The following CAMTA1 variants were observed in gnomAD, a reference collection of about 807,000 sequenced individuals.
CAMTA1 encodes the protein calmodulin-binding transcription activator 1.
CAMTA1 carries 27 observed loss-of-function variants against 170.9 expected under a neutral mutation model. That is an observed-to-expected ratio of 0.16 (90% CI 0.12 to 0.22). The LOEUF is 0.22. Ranked by LOEUF, CAMTA1 falls within the 10% of genes least tolerant of loss-of-function variation. The probability of loss-of-function intolerance (pLI) is 1.00; values close to 1 mark genes in which losing one functional copy is unlikely to be tolerated. For synonymous variants in CAMTA1, 833 were observed against 891.5 expected (o/e 0.93, Z 1.17); for missense variants, 1,619 against 2,217.2 (o/e 0.73, Z 5.42).
At chr1:7,393,894 C>T (rs536774535) in intron 5 of CAMTA1, among the ~76,000 whole-genome samples, 3 of 152,260 alleles carry the variant, frequency 2.0e-5, no homozygotes, top group South Asian at 4.1e-4. Context: ...CTACTCTCTA[C>T]GTCTATGAGA....
At chr1:7,184,015 A>G (rs566613157) in intron 4 of CAMTA1, among the ~76,000 whole-genome samples, 1 of 152,248 alleles carries the variant, frequency 6.6e-6, no homozygotes, top group South Asian at 2.1e-4. Context: ...TAAAGAAAAC[A>G]TGGTACATCT....
intron 6 of CAMTA1, among the ~76,000 whole-genome samples, chr1:7,498,937 ATG>A (rs536203815): frequency 0.062 from 6,613 of 107,050 alleles, 294 homozygotes; most frequent in Non-Finnish European, 0.083. Context: ...GTGTGTGTGC[ATG>A]TGTGTCCATG....
rs1674414017 is a variant in CAMTA1 at position 7,299,255 on chromosome 1, G to T, written c.438+49629G>T. ...ATAATAAAATCGTATATGAAACAAT[G>T]ACTTGATTTCTTTATATGAAACATA... On this transcript the variant is annotated intron_variant, in intron 5 of 22. Coordinates refer to ENST00000303635, the MANE Select transcript of CAMTA1 (RefSeq NM_015215.4). This position sits in a 1 kb window ranked among gnomAD's most constrained non-coding sequence, Gnocchi z 4.7. Among the ~76,000 whole-genome samples, 1 of 152,156 alleles carries T rather than the reference G, an allele frequency of 6.6e-6. No homozygotes were observed. The highest frequency in any genetic ancestry group is 6.5e-5 in the Admixed American group (1 of 15,276).
At chr1:7,537,442 A>G (rs1192773165) in intron 6 of CAMTA1, among the ~76,000 whole-genome samples, 1 of 152,166 alleles carries the variant, frequency 6.6e-6, no homozygotes. Flanking sequence ...GAGCAACAGC[A>G]GCAACACAGC....
chr1:7,095,051 C>T (rs955719552), intron 4 of CAMTA1, among the ~76,000 whole-genome samples: 1 of 151,116 alleles, frequency 6.6e-6, no homozygotes, highest in African/African-American at 2.4e-5. Context: ...CTCACCCCCA[C>T]CCCCACCCAG....
At chr1:6,855,462 G>A (rs1212082233) in intron 3 of CAMTA1, among the ~76,000 whole-genome samples, 3 of 151,752 alleles carry the variant, frequency 2.0e-5, no homozygotes, top group Non-Finnish European at 4.4e-5. Flanking sequence ...CAGAGCAGGA[G>A]CAAGAGAGAG....
At chr1:7,712,551 C>T (rs1368051573) in intron 11 of CAMTA1, among the ~76,000 whole-genome samples, 1 of 152,134 alleles carries the variant, frequency 6.6e-6, no homozygotes, top group Non-Finnish European at 1.5e-5. Flanking sequence ...AACTCCTGAG[C>T]TCAAGCAGTC....
intron 5 of CAMTA1, among the ~76,000 whole-genome samples, chr1:7,264,677 G>A (rs1027779399): frequency 7.2e-5 from 11 of 152,114 alleles, no homozygotes; most frequent in East Asian, 5.8e-4. Flanking sequence ...ATGCGGCAGC[G>A]TTAGTTAATT....
At chr1:6,905,648 G>A (rs1338013107) in intron 3 of CAMTA1, among the ~76,000 whole-genome samples, 1 of 152,108 alleles carries the variant, frequency 6.6e-6, no homozygotes, top group Non-Finnish European at 1.5e-5. Context: ...TCACATTCAA[G>A]TTTCAGTTAA....
At chr1:7,383,762 TAAG>T (rs1345128880) in intron 5 of CAMTA1, among the ~76,000 whole-genome samples, 1 of 151,532 alleles carries the variant, frequency 6.6e-6, no homozygotes, top group Non-Finnish European at 1.5e-5. Context: ...TTGAAGATGA[TAAG>T]AATGATGATG....
At chr1:7,730,199 G>C (rs765982525) in intron 11 of CAMTA1, among the ~76,000 whole-genome samples, 2 of 152,202 alleles carry the variant, frequency 1.3e-5, no homozygotes, top group Non-Finnish European at 2.9e-5. Flanking sequence ...GAAAGGTTTT[G>C]TTCTAAGTTC....
chr1:7,573,188 A>T (rs2150346230), intron 6 of CAMTA1, among the ~76,000 whole-genome samples: 1 of 152,302 alleles, frequency 6.6e-6, no homozygotes, highest in South Asian at 2.1e-4. Flanking sequence ...AAAACCTGGC[A>T]AAGCACCCTA....
chr1:6,927,206 T>G (rs1386128149), intron 3 of CAMTA1, among the ~76,000 whole-genome samples: 5 of 151,908 alleles, frequency 3.3e-5, no homozygotes, highest in Admixed American at 6.6e-5. Context: ...CATTCATTCA[T>G]TCATTTATTT....
intron 7 of CAMTA1, among the ~76,000 whole-genome samples, chr1:7,655,318 A>C (rs1576633672): frequency 6.8e-6 from 1 of 147,272 alleles, no homozygotes; most frequent in Non-Finnish European, 1.5e-5. Flanking sequence ...ACCGTTATAC[A>C]CACCTATACA....
intron 3 of CAMTA1, among the ~76,000 whole-genome samples, chr1:6,872,377 G>A (rs1668657701): frequency 6.6e-6 from 1 of 152,102 alleles, no homozygotes; most frequent in South Asian, 2.1e-4. Flanking sequence ...GTATTCTGAA[G>A]TATTTTGGGG....
intron 6 of CAMTA1, among the ~76,000 whole-genome samples, chr1:7,594,115 G>GAA (rs1557972381): frequency 7.5e-5 from 11 of 146,200 alleles, no homozygotes; most frequent in African/African-American, 2.6e-4. Context: ...AAGAAAGAAA[G>GAA]AGAGAAAGAA....
In CAMTA1 at chr1:6,928,415, A is replaced by C. The variant is rs1441057770; in HGVS notation, c.234+103205A>C. ...GGTGTTCAGTGCCTTTGTGTTCAGC[A>C]GGTGCTTACGTCTTAGGGACAGGTC... On this transcript the variant is annotated intron_variant, in intron 3 of 22. Transcript: ENST00000303635. Among the ~76,000 whole-genome samples, 5 of 152,178 alleles carry C rather than the reference A, an allele frequency of 3.3e-5. No homozygotes were observed. In the East Asian group the frequency reaches 9.6e-4, roughly 29 times the overall value.
intron 5 of CAMTA1, among the ~76,000 whole-genome samples, chr1:7,342,730 A>G (rs994537781): frequency 6.6e-6 from 1 of 152,210 alleles, no homozygotes; most frequent in African/African-American, 2.4e-5. Context: ...TAAGAGACCC[A>G]GGAGGTCATT....
At chr1:7,287,889 A>G (rs1172418035) in intron 5 of CAMTA1, among the ~76,000 whole-genome samples, 4 of 152,190 alleles carry the variant, frequency 2.6e-5, no homozygotes, top group Non-Finnish European at 5.9e-5. Flanking sequence ...TGGAAGTGGC[A>G]TACATCAATT....
Sources: gnomAD v4.1 joint callset for allele counts (sites outside exome capture counted in the v4.1 genomes callset) on GRCh38, gnomAD v4.1.1 for gene constraint, Gnocchi (gnomAD v3.1) non-coding constraint, MANE v1.5 for transcripts, NCBI Gene and HGNC (gene_info 2026-07-23, HGNC 2026-07-21) for gene names.